Variants in HS3ST4 observed in about 807,000 individuals in gnomAD.
HS3ST4 encodes the protein heparan sulfate-glucosamine 3-sulfotransferase 4, also known as heparan sulfate glucosamine 3-O-sulfotransferase 4.
A neutral mutation model predicts 29.2 loss-of-function variants in HS3ST4; 17 were observed. That is an observed-to-expected ratio of 0.58 (90% CI 0.40 to 0.87). HS3ST4 has a LOEUF of 0.87. HS3ST4 is among the 40% of genes least tolerant of loss of function. The pLI, the probability that HS3ST4 is intolerant of heterozygous loss-of-function variation, is 0.00. For synonymous variants in HS3ST4, 314 were observed against 285.7 expected (o/e 1.10, Z -1.00); for missense variants, 627 against 634.5 (o/e 0.99, Z 0.13).
intron 1 of HS3ST4, among the ~76,000 whole-genome samples, chr16:26,052,943 A>T (rs1197664368): frequency 1.3e-5 from 2 of 152,200 alleles, no homozygotes; most frequent in Non-Finnish European, 2.9e-5. Context: ...TGTCTTTAAC[A>T]CTGTTCATCT....
intron 1 of HS3ST4, among the ~76,000 whole-genome samples, chr16:25,749,715 G>C (rs898038094): frequency 3.9e-5 from 6 of 152,148 alleles, no homozygotes; most frequent in Admixed American, 6.6e-5. Flanking sequence ...TAAGTGATTT[G>C]AATGATGTAA....
At chr16:25,759,030 T>G (rs1268100905) in intron 1 of HS3ST4, among the ~76,000 whole-genome samples, 8 of 151,528 alleles carry the variant, frequency 5.3e-5, no homozygotes, top group Admixed American at 5.2e-4. Flanking sequence ...ATGGAAGTGT[T>G]TGATGTGGAT....
intron 1 of HS3ST4, among the ~76,000 whole-genome samples, chr16:25,808,595 G>T (rs1967011951): frequency 6.6e-6 from 1 of 152,020 alleles, no homozygotes; most frequent in Non-Finnish European, 1.5e-5. Flanking sequence ...AAACATTCTA[G>T]GGCCTGTGCC....
At chr16:25,773,011 A>G (rs529138271) in intron 1 of HS3ST4, among the ~76,000 whole-genome samples, 1 of 152,220 alleles carries the variant, frequency 6.6e-6, no homozygotes, top group Non-Finnish European at 1.5e-5. Context: ...AGGAGTAAGT[A>G]TTCAGATTCT....
intron 1 of HS3ST4, among the ~76,000 whole-genome samples, chr16:25,704,380 TTACAGA>T (rs1179802654): frequency 1.3e-5 from 2 of 152,186 alleles, no homozygotes; most frequent in Non-Finnish European, 2.9e-5. Flanking sequence ...AGATGTTTTC[TTACAGA>T]TAGAGAGATT....
chr16:25,814,117 C>T (rs1406041406), intron 1 of HS3ST4, among the ~76,000 whole-genome samples: 4 of 152,096 alleles, frequency 2.6e-5, no homozygotes, highest in African/African-American at 7.2e-5. Flanking sequence ...GGAATCTCTG[C>T]GGGTGATGGA....
intron 1 of HS3ST4, among the ~76,000 whole-genome samples, chr16:25,967,152 T>G (rs529520645): frequency 6.6e-6 from 1 of 152,270 alleles, no homozygotes; most frequent in African/African-American, 2.4e-5. Flanking sequence ...CTATAATTCT[T>G]TGTTTTTTGT....
intron 1 of HS3ST4, among the ~76,000 whole-genome samples, chr16:25,845,047 G>C (rs558317987): frequency 1.3e-5 from 2 of 152,066 alleles, no homozygotes; most frequent in Admixed American, 6.6e-5. Flanking sequence ...AGGCCTGTTG[G>C]GGGGTGGGGT....
intron 1 of HS3ST4, among the ~76,000 whole-genome samples, chr16:25,923,576 A>G (rs917287411): frequency 2.0e-5 from 3 of 152,166 alleles, no homozygotes; most frequent in East Asian, 1.9e-4. Flanking sequence ...ATTATACTGT[A>G]TTTACCTGCA....
chr16:25,724,892 T>C (rs1315738148), intron 1 of HS3ST4, among the ~76,000 whole-genome samples: 1 of 148,570 alleles, frequency 6.7e-6, no homozygotes, highest in East Asian at 2.0e-4. Context: ...CTAGTCATTA[T>C]GTGAAAACCT....
chr16:25,858,641 T>C (rs1245977006), intron 1 of HS3ST4, among the ~76,000 whole-genome samples: 1 of 152,188 alleles, frequency 6.6e-6, no homozygotes, highest in African/African-American at 2.4e-5. Flanking sequence ...TACTTCATTT[T>C]GAGTAGGTTT....
chr16:25,693,230 C>G (rs942591480), intron 1 of HS3ST4, 79 bp downstream of exon 1: 22 of 1,424,430 alleles, frequency 1.5e-5, no homozygotes, highest in South Asian at 2.9e-5. Flanking sequence ...CCACGCCCTT[C>G]GAGCATCCAG....
Position 25,880,690 on chromosome 16 carries a change from C to T in HS3ST4, c.734+187539C>T, listed in dbSNP as rs955474311. Among the ~76,000 whole-genome samples the T allele has an allele frequency of 2.0e-5, 3 of 152,152 alleles. No homozygotes were observed. In the East Asian group the frequency reaches 5.8e-4, roughly 29 times the overall value. On this transcript the variant is annotated intron_variant, in intron 1 of 1. Transcript: ENST00000331351. ...CAACAGTGCATTAGACCTGTGCATA[C>T]CCCAGTAATTGCTAAATAACTCATG...
intron 1 of HS3ST4, among the ~76,000 whole-genome samples, chr16:25,835,665 T>C (rs1405737548): frequency 6.6e-6 from 1 of 152,172 alleles, no homozygotes. Flanking sequence ...GTCCAGTAAG[T>C]GGAGAAGTCA....
rs573370163 is a variant in HS3ST4 at position 25,987,861 on chromosome 16, C to T, written c.735-147751C>T. On this transcript the variant is annotated intron_variant, in intron 1 of 1. Transcript: ENST00000331351. ...TCCCGGCTCACTGCAACTTCTGCCT[C>T]CTGGGTTCGGGAGATTCTTCTGCAT... Among the ~76,000 whole-genome samples, 329 of 152,254 alleles carry T rather than the reference C, an allele frequency of 2.2e-3. 1 individual carries two copies. Among genetic ancestry groups the T allele is most frequent in the African/African-American group, 7.5e-3 (312 of 41,540 alleles).
chr16:26,018,694 C>T (rs1183864808), intron 1 of HS3ST4, among the ~76,000 whole-genome samples: 2 of 152,134 alleles, frequency 1.3e-5, no homozygotes, highest in Non-Finnish European at 1.5e-5. Context: ...CCAAGGATCA[C>T]AAGCAGTGAT....
intron 1 of HS3ST4, among the ~76,000 whole-genome samples, chr16:26,054,981 A>G (rs936797331): frequency 6.6e-6 from 1 of 151,720 alleles, no homozygotes; most frequent in Non-Finnish European, 1.5e-5. Flanking sequence ...GCTGGACTAG[A>G]TGTTCTATGG....
chr16:26,072,701 T>G (rs1898615906), intron 1 of HS3ST4, among the ~76,000 whole-genome samples: 1 of 152,252 alleles, frequency 6.6e-6, no homozygotes, highest in South Asian at 2.1e-4. Flanking sequence ...GAGTTATTTT[T>G]TGTGTACAAT....
intron 1 of HS3ST4, among the ~76,000 whole-genome samples, chr16:25,827,557 G>C (rs1222727943): frequency 6.9e-6 from 1 of 145,364 alleles, no homozygotes; most frequent in Non-Finnish European, 1.5e-5. Context: ...ACAACAACAA[G>C]CTTTTGGTTT....
Sources: gnomAD v4.1 joint callset for allele counts (sites outside exome capture counted in the v4.1 genomes callset) on GRCh38, gnomAD v4.1.1 for gene constraint, MANE v1.5 for transcripts, NCBI Gene and HGNC (gene_info 2026-07-23, HGNC 2026-07-21) for gene names.